DOCK6: variants seen among roughly 807,000 people sequenced by gnomAD.
DOCK6 encodes the protein dedicator of cytokinesis 6.
Under a neutral mutation model 230.3 loss-of-function variants are expected in DOCK6, and 167 were observed. That is an observed-to-expected ratio of 0.73 (90% CI 0.64 to 0.82). The LOEUF (loss-of-function observed/expected upper bound fraction) is 0.82. DOCK6 is among the 40% of genes least tolerant of loss of function. The probability of loss-of-function intolerance (pLI) is 0.00; values close to 1 mark genes in which losing one functional copy is unlikely to be tolerated. For missense variants in DOCK6, 2,598 were observed against 2,825.8 expected (o/e 0.92, Z 1.83); for synonymous variants, 1,148 against 1,185.0 (o/e 0.97, Z 0.64).
intron 6 of DOCK6, among the ~76,000 whole-genome samples, chr19:11,248,824 T>C (rs1266950038): frequency 6.6e-6 from 1 of 152,166 alleles, no homozygotes; most frequent in African/African-American, 2.4e-5. Context: ...AACAATACAG[T>C]GGGTACCCAA....
chr19:11,237,733 C>A lies in DOCK6; in HGVS notation c.1879G>T (p.Val627Leu). The A allele has an allele frequency of 6.3e-7, 1 of 1,580,698 alleles. No individual in the cohort carries two copies. The highest frequency in any genetic ancestry group is 8.6e-7 in the Non-Finnish European group (1 of 1,163,960). ...EEFKLHLPACVTENHHLLFTF... is the reference protein window; with the variant it reads ...EEFKLHLPACLTENHHLLFTF... ...AACAGCAGGTGATGGTTCTCTGTCA[C>A]GCAGGCTGGAAGATGCAGCTTGAAC... is the stretch of plus-strand genomic sequence containing the variant. The change falls in exon 17 of 48, where the codon GTG (valine) becomes TTG (leucine). Residue 627 changes from valine to leucine, a missense_variant. Val to Leu is a conservative substitution (Grantham distance 32). Transcript: ENST00000294618.
In DOCK6 at chr19:11,214,309, T is replaced by C; in HGVS notation, c.4304A>G (p.His1435Arg). The change falls in exon 34 of 48, where the codon CAT becomes CGT. Residue 1435 changes from histidine to arginine, a missense_variant. Physicochemically the swap from His to Arg is conservative, Grantham distance 29. Coordinates refer to ENST00000294618, the MANE Select transcript of DOCK6 (RefSeq NM_020812.4). ...GSAQSALFLQ[H>R]GLATQRALVS... ...AAGGGCCCTCTGGGTGGCCAGGCCA[T>C]GCTGCAAGAAGAGGGCACTCTGGGC... The C allele has an allele frequency of 6.2e-7, 1 of 1,613,414 alleles. No individual in the cohort carries two copies. The highest frequency in any genetic ancestry group is 8.5e-7 in the Non-Finnish European group (1 of 1,179,780).
Position 11,200,848 on chromosome 19 carries a change from C to A in DOCK6, c.5833-26G>T. The A allele has an allele frequency of 1.2e-6, 2 of 1,612,942 alleles. No individual in the cohort carries two copies. The highest frequency in any genetic ancestry group is 1.7e-6 in the Non-Finnish European group (2 of 1,179,074). Reference sequence around the variant, plus strand: ...CTGTGGGGTGAGAGGGACTGGTGAGCCAGCCTGCATGGCACCTGGAGTCCC... The same window carrying A: ...CTGTGGGGTGAGAGGGACTGGTGAGACAGCCTGCATGGCACCTGGAGTCCC... On this transcript the variant is annotated intron_variant, in intron 45 of 47. Coordinates refer to ENST00000294618, the MANE Select transcript of DOCK6 (RefSeq NM_020812.4). This position sits in a 1 kb window ranked among gnomAD's most constrained non-coding sequence, Gnocchi z 4.3.
At position 11,260,885 on chromosome 19, in the gene DOCK6, A is replaced by AAAAAAG. The variant is rs2080274371; in HGVS notation, c.44+1511_44+1512insCTTTTT. On this transcript the variant is annotated intron_variant, in intron 1 of 47. Coordinates refer to ENST00000294618, the MANE Select transcript of DOCK6 (RefSeq NM_020812.4). ...GTGACAGAGCGAGACTCTGTCTCAA[A>AAAAAAG]AAAAAAAAAAGAAAGAAAGAAAGAA... 1.6e-5 allele frequency among the ~76,000 whole-genome samples: 2 copies of AAAAAAG among 127,254 alleles called. 1 individual carries two copies. Among genetic ancestry groups the AAAAAAG allele is most frequent in the South Asian group, 5.0e-4 (2 of 4,008 alleles). The allele number at this position is 127,254 out of a possible 152,430, so 83.5% of individuals were successfully genotyped here.
intron 40 of DOCK6, 28 bp from the exon 41 acceptor site, chr19:11,204,123 G>T (rs1221141331): frequency 3.9e-6 from 6 of 1,542,676 alleles, no homozygotes; most frequent in Non-Finnish European, 5.3e-6. Context: ...GTCAAGGTCA[G>T]CAGATCCCTG....
intron 7 of DOCK6, chr19:11,247,808 G>T (rs2080058487): frequency 7.2e-6 from 3 of 415,138 alleles, no homozygotes; most frequent in Admixed American, 3.6e-5. Context: ...CACTTCATGA[G>T]GTTGTGGTGA....
Position 11,200,897 on chromosome 19 carries a change from C to T in DOCK6, c.5832+12G>A, listed in dbSNP as rs2147690694. On this transcript the variant is annotated intron_variant, in intron 45 of 47. Transcript: ENST00000294618. This position sits in a 1 kb window ranked among gnomAD's most constrained non-coding sequence, Gnocchi z 4.3. ...CCCCGTGCGGCTTGCATCCCCCTTC[C>T]ACCAGCCGTGCCTGGTTCACGGTGG... 1 of 1,613,872 alleles carries T rather than the reference C, an allele frequency of 6.2e-7. No homozygotes were observed.
At chr19:11,262,333 C>T (rs1167710033) in intron 1 of DOCK6, 64 bp downstream of exon 1, 22 of 1,133,098 alleles carry the variant, frequency 1.9e-5, no homozygotes, top group Non-Finnish European at 2.4e-5. Context: ...GGGAGGGTCG[C>T]ACCGCCCCGG....
chr19:11,256,942 G>A (rs1396358705), intron 1 of DOCK6, among the ~76,000 whole-genome samples: 1 of 151,976 alleles, frequency 6.6e-6, no homozygotes, highest in African/African-American at 2.4e-5. Context: ...GCCTCCCAAA[G>A]TCCTGGGATT....
At chr19:11,255,621 C>T (rs1268745953) in intron 1 of DOCK6, among the ~76,000 whole-genome samples, 2 of 152,044 alleles carry the variant, frequency 1.3e-5, no homozygotes, top group African/African-American at 4.8e-5. Context: ...TACAACTTGC[C>T]CAAATCTGCT....
chr19:11,251,163 A>T lies in DOCK6; in HGVS notation c.508-77T>A, dbSNP rs902285719. Reference sequence around the variant, plus strand: ...CTCACTCTGGTGAGAGTGTCCTCATACTCATTCTAGAGATGGGGAAATTGA... The same window carrying T: ...CTCACTCTGGTGAGAGTGTCCTCATTCTCATTCTAGAGATGGGGAAATTGA... On this transcript the variant is annotated intron_variant, in intron 5 of 47. Coordinates refer to ENST00000294618, the MANE Select transcript of DOCK6 (RefSeq NM_020812.4). 7 of 1,402,032 alleles carry T rather than the reference A, an allele frequency of 5.0e-6. No individual in the cohort carries two copies. In the African/African-American group the frequency reaches 8.5e-5, roughly 17 times the overall value. The allele number at this position is 1,402,032 out of a possible 1,614,324, so 86.8% of individuals were successfully genotyped here.
chr19:11,211,925 G>C, intron 36 of DOCK6, 49 bp from the exon 37 acceptor site: 1 of 1,570,238 alleles, frequency 6.4e-7, no homozygotes, highest in Non-Finnish European at 8.7e-7. Context: ...AGGAAGTGAA[G>C]GGAGCCAAGG....
At chr19:11,241,091 A>C (rs1041691286) in intron 14 of DOCK6, among the ~76,000 whole-genome samples, 1 of 151,946 alleles carries the variant, frequency 6.6e-6, no homozygotes. Context: ...CTAAAAATAC[A>C]AAAAATTAGC....
chr19:11,229,222 G>A, intron 22 of DOCK6, 187 bp from the exon 23 acceptor site: 1 of 1,299,574 alleles, frequency 7.7e-7, no homozygotes, highest in South Asian at 1.7e-5. Flanking sequence ...CCTGGACTCT[G>A]GATGGGGGAG....
intron 39 of DOCK6, 189 bp downstream of exon 39, chr19:11,208,497 T>G (rs1378175167): frequency 1.4e-6 from 1 of 694,042 alleles, no homozygotes; most frequent in Non-Finnish European, 2.3e-6. Flanking sequence ...GCCAGGCTGG[T>G]CTCGAACTCC....
In DOCK6 at chr19:11,221,927, C is replaced by T. The variant is rs1199117477; in HGVS notation, c.3474G>A (p.Lys1158=). 6.2e-7 allele frequency: 1 copy of T among 1,613,670 alleles called. No homozygotes were observed. Reference sequence around the variant, plus strand: ...GCAGGTACAGCTCGGCCACACGAGCCTTCACAGTGGCCTCGGCGTAGCGGG... The same window carrying T: ...GCAGGTACAGCTCGGCCACACGAGCTTTCACAGTGGCCTCGGCGTAGCGGG... ...TDPRYAEATV[K]ARVAELYLPL... is the part of the protein sequence containing the mutation. Residue 1158 remains lysine, a synonymous_variant, in exon 28 of 48, where the codon AAG becomes AAA. Transcript: ENST00000294618.
chr19:11,204,072 C>T lies in DOCK6; in HGVS notation c.5235+9G>A, dbSNP rs117890966. On this transcript the variant is annotated intron_variant, in intron 41 of 47. Transcript: ENST00000294618. Reference sequence around the variant, plus strand: ...AGAGGCAGGTGGCTGTCCACCAAGGCTGACTCACCTCCCAGCCGGAACTCT... The same window carrying T: ...AGAGGCAGGTGGCTGTCCACCAAGGTTGACTCACCTCCCAGCCGGAACTCT... The T allele has an allele frequency of 0.071, 110,168 of 1,549,586 alleles. 4,282 individuals are homozygous for T. The highest frequency in any genetic ancestry group is 0.077 in the South Asian group (6,467 of 83,976).
intron 24 of DOCK6, 24 bp from the exon 25 acceptor site, chr19:11,223,130 C>A: frequency 6.2e-7 from 1 of 1,605,286 alleles, no homozygotes; most frequent in Non-Finnish European, 8.5e-7. Flanking sequence ...TGCCTGTCAA[C>A]CCACACACCC....
At chr19:11,228,685 G>A (rs924334714) in intron 23 of DOCK6, among the ~76,000 whole-genome samples, 15 of 151,528 alleles carry the variant, frequency 9.9e-5, no homozygotes, top group Middle Eastern at 3.4e-3. Flanking sequence ...TCAGCCTCCC[G>A]AGTATCTGGG....
Sources: allele counts gnomAD v4.1 joint callset (sites outside exome capture counted in the v4.1 genomes callset), GRCh38; gene constraint gnomAD v4.1.1; non-coding constraint Gnocchi (gnomAD v3.1); transcripts MANE v1.5; gene names NCBI Gene and HGNC (gene_info 2026-07-23, HGNC 2026-07-21).